ANKRD31: variants seen among roughly 807,000 people sequenced by gnomAD.
ANKRD31 encodes the protein ankyrin repeat domain-containing protein 31.
A neutral mutation model predicts 186.0 loss-of-function variants in ANKRD31; 147 were observed. The ratio of observed to expected loss-of-function variants is 0.79; its 90% CI spans 0.69 to 0.91. ANKRD31 has a LOEUF of 0.91. Ranked by LOEUF, ANKRD31 falls within the 40% of genes least tolerant of loss-of-function variation. ANKRD31 has a pLI of 0.00. For synonymous variants in ANKRD31, 673 were observed against 736.4 expected, an observed-to-expected ratio of 0.91 and a Z score of 1.39; for missense variants, 1,986 against 2,148.8, an observed-to-expected ratio of 0.92 and a Z score of 1.50.
intron 3 of ANKRD31, among the ~76,000 whole-genome samples, chr5:75,218,648 G>T (rs1246831032): frequency 6.6e-6 from 1 of 151,996 alleles, no homozygotes; most frequent in East Asian, 1.9e-4. Flanking sequence ...ACAAAAAAAA[G>T]AAAACTTCAG....
intron 25 of ANKRD31, among the ~76,000 whole-genome samples, chr5:75,071,736 G>A (rs908697568): frequency 1.3e-5 from 2 of 152,038 alleles, no homozygotes; most frequent in Admixed American, 1.3e-4. Context: ...GACCTCAGGT[G>A]ATCTGCCCAC....
intron 24 of ANKRD31, among the ~76,000 whole-genome samples, chr5:75,084,058 G>T (rs773026078): frequency 5.3e-5 from 8 of 152,178 alleles, no homozygotes; most frequent in Non-Finnish European, 7.3e-5. Flanking sequence ...TCTTTTTGGG[G>T]TGATCAAAGT....
chr5:75,074,061 T>C (rs1024165740), intron 25 of ANKRD31, among the ~76,000 whole-genome samples: 2 of 152,168 alleles, frequency 1.3e-5, no homozygotes, highest in African/African-American at 4.8e-5. Context: ...TCAAGTTCAC[T>C]GTCAGCATAC....
At chr5:75,188,817 C>T (rs1441213536) in intron 9 of ANKRD31, among the ~76,000 whole-genome samples, 169 bp from the exon 10 acceptor site, 1 of 152,032 alleles carries the variant, frequency 6.6e-6, no homozygotes, top group Non-Finnish European at 1.5e-5. Context: ...CATCCATTAA[C>T]CCAACTATAA....
chr5:75,136,669 T>C (rs1051380511), intron 17 of ANKRD31, among the ~76,000 whole-genome samples: 7 of 152,204 alleles, frequency 4.6e-5, no homozygotes, highest in Admixed American at 1.3e-4. Flanking sequence ...ACTGGGTATA[T>C]GCCCAAAGGA....
chr5:75,122,538 T>C (rs1188215399), intron 17 of ANKRD31, among the ~76,000 whole-genome samples: 1 of 151,362 alleles, frequency 6.6e-6, no homozygotes, highest in African/African-American at 2.4e-5. Context: ...CTTAACAAAA[T>C]ACTAGCAAAC....
At chr5:75,208,446 T>C (rs1359111237) in intron 4 of ANKRD31, among the ~76,000 whole-genome samples, 3 of 152,094 alleles carry the variant, frequency 2.0e-5, no homozygotes, top group African/African-American at 4.8e-5. Context: ...TCTGATCTTT[T>C]TTTCTTGAAG....
chr5:75,083,229 G>A (rs1039192335), intron 24 of ANKRD31, among the ~76,000 whole-genome samples: 4 of 152,138 alleles, frequency 2.6e-5, no homozygotes, highest in African/African-American at 9.7e-5. Context: ...GAGGTCAGGT[G>A]TGGAATTTTC....
intron 5 of ANKRD31, among the ~76,000 whole-genome samples, chr5:75,203,531 C>T (rs1755948038): frequency 1.3e-5 from 2 of 151,708 alleles, no homozygotes; most frequent in Admixed American, 1.3e-4. Context: ...GGCCTGGTGG[C>T]ACGTGCCTAT....
intron 20 of ANKRD31, among the ~76,000 whole-genome samples, chr5:75,109,327 T>C (rs1333716232): frequency 6.6e-6 from 1 of 152,186 alleles, no homozygotes; most frequent in African/African-American, 2.4e-5. Context: ...GCAAGGTCTC[T>C]TTAAGAAAAA....
chr5:75,181,429 T>C (rs1288726852), intron 10 of ANKRD31, among the ~76,000 whole-genome samples: 2 of 152,136 alleles, frequency 1.3e-5, no homozygotes, highest in African/African-American at 2.4e-5. Flanking sequence ...TAAAGACACA[T>C]GCACACGTAC....
chr5:75,191,124 C>A (rs559327228), intron 9 of ANKRD31, among the ~76,000 whole-genome samples: 1 of 152,088 alleles, frequency 6.6e-6, no homozygotes, highest in Non-Finnish European at 1.5e-5. Flanking sequence ...GATTCACTTA[C>A]GCTTTCTTCT....
intron 23 of ANKRD31, among the ~76,000 whole-genome samples, chr5:75,084,614 A>G (rs1441458483): frequency 2.6e-5 from 4 of 152,164 alleles, no homozygotes; most frequent in Admixed American, 6.5e-5. Context: ...CTATAACATA[A>G]TTGACACAGA....
At chr5:75,131,295 C>T (rs747408960) in intron 17 of ANKRD31, among the ~76,000 whole-genome samples, 3 of 152,160 alleles carry the variant, frequency 2.0e-5, no homozygotes, top group African/African-American at 4.8e-5. Context: ...GAGGAGGCAC[C>T]GAGAGCGAGC....
At chr5:75,119,007 TC>T (rs35367967) in intron 17 of ANKRD31, among the ~76,000 whole-genome samples, 26,135 of 152,170 alleles carry the variant, frequency 0.17, 2,430 homozygotes, top group South Asian at 0.38. Flanking sequence ...CTCTACTTGT[TC>T]AGGACGTTTT....
At chr5:75,182,005 T>C (rs983361820) in intron 10 of ANKRD31, among the ~76,000 whole-genome samples, 2 of 151,902 alleles carry the variant, frequency 1.3e-5, no homozygotes, top group Non-Finnish European at 2.9e-5. Flanking sequence ...AAAATAAAGA[T>C]GGATTGATGG....
chr5:75,216,870 A>C (rs1455353925), intron 3 of ANKRD31, among the ~76,000 whole-genome samples: 3 of 152,094 alleles, frequency 2.0e-5, no homozygotes, highest in Non-Finnish European at 4.4e-5. Flanking sequence ...CAGTGCTATA[A>C]ATCTCTTTCT....
chr5:75,168,247 C>T (rs1392680460), intron 11 of ANKRD31, among the ~76,000 whole-genome samples: 1 of 152,092 alleles, frequency 6.6e-6, no homozygotes, highest in Non-Finnish European at 1.5e-5. Flanking sequence ...ATAGGCAGAA[C>T]AAATCTTCTT....
At chr5:75,172,895 A>T (rs1248434849) in intron 10 of ANKRD31, among the ~76,000 whole-genome samples, 1 of 152,164 alleles carries the variant, frequency 6.6e-6, no homozygotes, top group Non-Finnish European at 1.5e-5. Context: ...TATGAGGCCA[A>T]CATCATCCTG....
Sources: allele counts gnomAD v4.1 joint callset (sites outside exome capture counted in the v4.1 genomes callset), GRCh38; gene constraint gnomAD v4.1.1; transcripts MANE v1.5; gene names NCBI Gene and HGNC (gene_info 2026-07-23, HGNC 2026-07-21).